Variants in ATXN2 observed in about 807,000 individuals in gnomAD.
The protein encoded by ATXN2 is ataxin 2, also known as ataxin-2.
A neutral mutation model predicts 138.6 loss-of-function variants in ATXN2; 37 were observed. The ratio of observed to expected loss-of-function variants is 0.27; its 90% CI spans 0.21 to 0.35. ATXN2 has a LOEUF of 0.35. ATXN2 is among the 10% of genes least tolerant of loss of function. ATXN2 has a pLI of 1.00. For missense variants in ATXN2, 1,216 were observed against 1,480.3 expected (o/e 0.82, Z 2.93); for synonymous variants, 549 against 543.7 (o/e 1.01, Z -0.13).
chr12:111,562,260 C>T (rs900144572), intron 1 of ATXN2, among the ~76,000 whole-genome samples: 2 of 152,028 alleles, frequency 1.3e-5, no homozygotes, highest in Non-Finnish European at 2.9e-5. Context: ...TTCGCAAGAC[C>T]CCATCTCTAA....
intron 5 of ATXN2, among the ~76,000 whole-genome samples, chr12:111,540,415 T>C (rs929540577): frequency 6.6e-6 from 1 of 150,668 alleles, no homozygotes; most frequent in South Asian, 2.1e-4. Flanking sequence ...CCACTAGCAG[T>C]GTTAAGTGTT....
intron 1 of ATXN2, among the ~76,000 whole-genome samples, chr12:111,575,790 A>C (rs927860493): frequency 2.0e-5 from 3 of 152,168 alleles, no homozygotes; most frequent in Non-Finnish European, 4.4e-5. Context: ...CTTAATAATA[A>C]AACCAATAGT....
At chr12:111,534,257 C>T (rs1023533817) in intron 5 of ATXN2, among the ~76,000 whole-genome samples, 1 of 150,332 alleles carries the variant, frequency 6.7e-6, no homozygotes, top group African/African-American at 2.5e-5. Flanking sequence ...AAAAATTAGC[C>T]AGGCATGGTG....
chr12:111,482,190 ATTTTTTTT>A (rs1164424839), intron 18 of ATXN2, among the ~76,000 whole-genome samples: 2 of 101,386 alleles, frequency 2.0e-5, no homozygotes, highest in African/African-American at 3.9e-5. Context: ...TTTCTCTACT[ATTTTTTTT>A]TTTTTTTTTT....
At chr12:111,545,988 G>A (rs756035781) in intron 5 of ATXN2, among the ~76,000 whole-genome samples, 50 of 150,862 alleles carry the variant, frequency 3.3e-4, no homozygotes, top group African/African-American at 1.1e-3. Flanking sequence ...AAGATGGCAC[G>A]GAGGAAGAAG....
intron 20 of ATXN2, among the ~76,000 whole-genome samples, chr12:111,466,665 A>T (rs1030833110): frequency 2.6e-5 from 4 of 152,344 alleles, no homozygotes; most frequent in African/African-American, 9.6e-5. Context: ...CTAAAAATTT[A>T]AAAACAATAA....
At position 111,467,937 on chromosome 12, in the gene ATXN2, T is replaced by C. The variant is rs572054545; in HGVS notation, c.2842+2171A>G. ...GATTCGGCTCAACATTACAGTATTA[T>C]TGCTACAATGTCTCAAAAGCATGCA... On this transcript the variant is annotated intron_variant, in intron 20 of 24. Coordinates refer to ENST00000673436, the MANE Select transcript of ATXN2 (RefSeq NM_001372574.1). 8.5e-5 allele frequency among the ~76,000 whole-genome samples: 13 copies of C among 152,370 alleles called. No homozygotes were observed. The East Asian group carries it at 2.5e-3, about 29-fold the overall frequency.
intron 1 of ATXN2, among the ~76,000 whole-genome samples, chr12:111,572,224 A>AC (rs1042765724): frequency 6.6e-6 from 1 of 151,938 alleles, no homozygotes; most frequent in African/African-American, 2.4e-5. Flanking sequence ...AAATGGTGAA[A>AC]CCCCCATCTC....
intron 18 of ATXN2, among the ~76,000 whole-genome samples, chr12:111,473,430 A>T (rs1876559175): frequency 6.6e-6 from 1 of 152,228 alleles, no homozygotes; most frequent in African/African-American, 2.4e-5. Flanking sequence ...TAACATTTTA[A>T]ATTACTTTTC....
intron 16 of ATXN2, among the ~76,000 whole-genome samples, chr12:111,486,411 T>C (rs1190631979): frequency 2.0e-5 from 3 of 152,242 alleles, no homozygotes; most frequent in Non-Finnish European, 4.4e-5. Flanking sequence ...GTGTTCAGTA[T>C]AGATTATCCT....
intron 1 of ATXN2, among the ~76,000 whole-genome samples, chr12:111,576,756 G>A (rs1369044015): frequency 6.6e-6 from 1 of 151,124 alleles, no homozygotes; most frequent in East Asian, 2.0e-4. Flanking sequence ...TCAGGAGTTC[G>A]AGACCATCCC....
chr12:111,561,679 T>C (rs1336758663), intron 1 of ATXN2, among the ~76,000 whole-genome samples: 1 of 151,730 alleles, frequency 6.6e-6, no homozygotes, highest in Non-Finnish European at 1.5e-5. Context: ...ACTAAAACTA[T>C]AAAAATTAGC....
chr12:111,493,643 T>G (rs1033409062), intron 14 of ATXN2, among the ~76,000 whole-genome samples: 26 of 151,984 alleles, frequency 1.7e-4, no homozygotes, highest in African/African-American at 2.2e-4. Flanking sequence ...TTTTTTTTTT[T>G]TGTGAGACAG....
At chr12:111,593,397 G>C (rs1380812467) in intron 1 of ATXN2, among the ~76,000 whole-genome samples, 1 of 151,946 alleles carries the variant, frequency 6.6e-6, no homozygotes, top group Non-Finnish European at 1.5e-5. Flanking sequence ...GCCTGGCCTT[G>C]AGATCCTCCT....
chr12:111,519,810 C>A (rs1880055883), intron 8 of ATXN2, 69 bp downstream of exon 8: 1 of 1,607,178 alleles, frequency 6.2e-7, no homozygotes, highest in Admixed American at 1.7e-5. Context: ...AATATAATAA[C>A]AATACACCGT....
intron 21 of ATXN2, 97 bp from the exon 22 acceptor site, chr12:111,457,456 AT>A: frequency 7.2e-7 from 1 of 1,385,580 alleles, no homozygotes. Flanking sequence ...GATGGTTACA[AT>A]GCATAACTCA....
chr12:111,532,395 G>A (rs1024634208), intron 5 of ATXN2, among the ~76,000 whole-genome samples: 2 of 152,096 alleles, frequency 1.3e-5, no homozygotes, highest in African/African-American at 2.4e-5. Flanking sequence ...CAGGAGAATC[G>A]TTTGAACCCA....
chr12:111,558,904 G>A (rs780674788), intron 1 of ATXN2, among the ~76,000 whole-genome samples: 10 of 150,806 alleles, frequency 6.6e-5, no homozygotes, highest in Non-Finnish European at 1.3e-4. Context: ...GGTGATAGGT[G>A]TGCAGGGGTT....
Position 111,453,346 on chromosome 12 carries a change from G to T in ATXN2, c.3439+331C>A. ...TAACCCCCCACATGTCAGACTTTTG[G>T]GACTCAGGAAGGAAAACACTGCCCT... On this transcript the variant is annotated intron_variant, in intron 24 of 24. Transcript: ENST00000673436. The surrounding 1 kb of genome is among the most constrained non-coding windows in gnomAD (Gnocchi z 5.4). 1 of 1,097,916 alleles carries T rather than the reference G, an allele frequency of 9.1e-7. No homozygotes were observed. Among genetic ancestry groups the T allele is most frequent in the Non-Finnish European group, 1.1e-6 (1 of 902,770 alleles). 68.0% of individuals were successfully genotyped at this position (1,097,916 alleles called of 1,614,324 possible).
Sources: allele counts gnomAD v4.1 joint callset (sites outside exome capture counted in the v4.1 genomes callset), GRCh38; gene constraint gnomAD v4.1.1; non-coding constraint Gnocchi (gnomAD v3.1); transcripts MANE v1.5; gene names NCBI Gene and HGNC (gene_info 2026-07-23, HGNC 2026-07-21).